The following RPS6KC1 variants were observed in gnomAD, a reference collection of about 807,000 sequenced individuals.
RPS6KC1 encodes the protein inactive ribosomal protein S6 kinase delta-1.
Under a neutral mutation model 103.8 loss-of-function variants are expected in RPS6KC1, and 54 were observed. The ratio of observed to expected loss-of-function variants is 0.52; its 90% confidence interval spans 0.42 to 0.65. The LOEUF is 0.65. Ranked by LOEUF, RPS6KC1 falls within the 30% of genes least tolerant of loss-of-function variation. RPS6KC1 has a pLI of 0.00. For synonymous variants in RPS6KC1, 439 were observed against 438.7 expected (o/e 1.00, Z -0.01); for missense variants, 1,151 against 1,253.8 (o/e 0.92, Z 1.24).
chr1:213,439,147 T>C, the RPS6KC1 span, among the ~76,000 whole-genome samples: 1 of 152,192 alleles, frequency 6.6e-6, no homozygotes, highest in Non-Finnish European at 1.5e-5. Context: ...ATTCCAACTT[T>C]TGTATTCCCA....
chr1:213,211,070 A>G (rs2093491192), intron 8 of RPS6KC1, among the ~76,000 whole-genome samples: 1 of 152,254 alleles, frequency 6.6e-6, no homozygotes, highest in Non-Finnish European at 1.5e-5. Flanking sequence ...AGTTTACATC[A>G]GCATCAGAGT....
the RPS6KC1 span, among the ~76,000 whole-genome samples, chr1:213,565,907 C>T: frequency 0.043 from 6,345 of 148,068 alleles, 215 homozygotes; most frequent in Non-Finnish European, 0.058. Context: ...TGTGGTGAGC[C>T]GAGATCATGC....
chr1:213,623,130 G>C, the RPS6KC1 span, among the ~76,000 whole-genome samples: 2 of 152,218 alleles, frequency 1.3e-5, no homozygotes, highest in African/African-American at 4.8e-5. Flanking sequence ...GGCGATTGCA[G>C]TTCTGGTTTT....
At chr1:213,706,562 A>ATTG in the RPS6KC1 span, among the ~76,000 whole-genome samples, 15 of 152,140 alleles carry the variant, frequency 9.9e-5, no homozygotes, top group Non-Finnish European at 1.9e-4. Flanking sequence ...AATTATTATT[A>ATTG]TTATGCTTTA....
chr1:213,517,405 T>C, the RPS6KC1 span, among the ~76,000 whole-genome samples: 91 of 152,238 alleles, frequency 6.0e-4, 1 homozygote, highest in Admixed American at 3.2e-3. Flanking sequence ...TTTGAATGTG[T>C]CCCAGAGATT....
At chr1:213,243,028 C>T (rs1173881773) in intron 12 of RPS6KC1, among the ~76,000 whole-genome samples, 1 of 152,042 alleles carries the variant, frequency 6.6e-6, no homozygotes, top group Non-Finnish European at 1.5e-5. Context: ...ACATACCTCA[C>T]TCTGTCACAC....
At chr1:213,417,102 T>C in the RPS6KC1 span, among the ~76,000 whole-genome samples, 1 of 152,138 alleles carries the variant, frequency 6.6e-6, no homozygotes, top group Admixed American at 6.5e-5. Flanking sequence ...CTGTCCCTCC[T>C]CAGAGGGACC....
At chr1:213,636,596 C>T in the RPS6KC1 span, among the ~76,000 whole-genome samples, 1 of 152,128 alleles carries the variant, frequency 6.6e-6, no homozygotes, top group Admixed American at 6.6e-5. Flanking sequence ...CTTCCTTACA[C>T]CTTATACAAA....
chr1:213,100,767 ATTC>A (rs1182895383), intron 3 of RPS6KC1, among the ~76,000 whole-genome samples: 2 of 152,130 alleles, frequency 1.3e-5, no homozygotes, highest in Non-Finnish European at 2.9e-5. Context: ...ACATTATTTC[ATTC>A]TTTTTTATGG....
chr1:213,575,002 G>T, the RPS6KC1 span, among the ~76,000 whole-genome samples: 1 of 152,102 alleles, frequency 6.6e-6, no homozygotes, highest in African/African-American at 2.4e-5. Context: ...GGAAGGGACT[G>T]GAGGGCAGTG....
chr1:213,661,979 T>C, the RPS6KC1 span, among the ~76,000 whole-genome samples: 1 of 152,164 alleles, frequency 6.6e-6, no homozygotes, highest in Non-Finnish European at 1.5e-5. Context: ...TTCTACTGAA[T>C]TCCTATTAAT....
At chr1:213,386,605 G>C in the RPS6KC1 span, among the ~76,000 whole-genome samples, 1 of 152,198 alleles carries the variant, frequency 6.6e-6, no homozygotes, top group Non-Finnish European at 1.5e-5. Flanking sequence ...ATCCAGGAGG[G>C]ATGCCGCTAA....
chr1:213,421,639 G>T, the RPS6KC1 span, among the ~76,000 whole-genome samples: 1 of 152,194 alleles, frequency 6.6e-6, no homozygotes, highest in Admixed American at 6.5e-5. Context: ...TCTTACCCCT[G>T]CTTCCTCAGT....
At chr1:213,339,875 G>T in the RPS6KC1 span, among the ~76,000 whole-genome samples, 1 of 152,056 alleles carries the variant, frequency 6.6e-6, no homozygotes, top group East Asian at 1.9e-4. Flanking sequence ...GAGAGCTGAG[G>T]GCCTCATTCT....
the RPS6KC1 span, among the ~76,000 whole-genome samples, chr1:213,352,022 C>T: frequency 4.0e-5 from 6 of 151,106 alleles, no homozygotes; most frequent in Admixed American, 1.3e-4. Context: ...CTTTCCCTTA[C>T]GAGCTGGGAG....
At chr1:213,682,829 C>T in the RPS6KC1 span, among the ~76,000 whole-genome samples, 3,551 of 152,234 alleles carry the variant, frequency 0.023, 143 homozygotes, top group African/African-American at 0.075. Context: ...AACCACTGTT[C>T]ACATTTTGGT....
chr1:213,369,410 A>G, the RPS6KC1 span, among the ~76,000 whole-genome samples: 2 of 152,236 alleles, frequency 1.3e-5, no homozygotes, highest in South Asian at 4.1e-4. Context: ...GACAGCTACC[A>G]AAGACCCCTG....
chr1:213,261,383 A>G (rs1157589451), intron 12 of RPS6KC1, among the ~76,000 whole-genome samples, 175 bp from the exon 13 acceptor site: 1 of 152,178 alleles, frequency 6.6e-6, no homozygotes, highest in African/African-American at 2.4e-5. Context: ...AAAAAAATAT[A>G]TGCAACCGCA....
intron 12 of RPS6KC1, among the ~76,000 whole-genome samples, chr1:213,258,577 A>G (rs2094706332): frequency 6.6e-6 from 1 of 152,192 alleles, no homozygotes; most frequent in Non-Finnish European, 1.5e-5. Flanking sequence ...GGTTGAATGA[A>G]TATGATGGGT....
Sources: gnomAD v4.1 joint callset for allele counts (sites outside exome capture counted in the v4.1 genomes callset) on GRCh38, gnomAD v4.1.1 for gene constraint, MANE v1.5 for transcripts, NCBI Gene and HGNC (gene_info 2026-07-23, HGNC 2026-07-21) for gene names.